Variants in KIF1B observed in about 807,000 individuals in gnomAD.
The protein encoded by KIF1B is kinesin family member 1B.
Under a neutral mutation model 241.9 loss-of-function variants are expected in KIF1B, and 76 were observed. The ratio of observed to expected loss-of-function variants is 0.31; its 90% CI spans 0.26 to 0.38. The LOEUF (loss-of-function observed/expected upper bound fraction) is 0.38. Among genes scored for constraint, KIF1B ranks in the 10% least tolerant of loss-of-function variants. The probability of loss-of-function intolerance (pLI) is 1.00; values close to 1 mark genes in which losing one functional copy is unlikely to be tolerated. For missense variants in KIF1B, 1,622 were observed against 2,271.4 expected (o/e 0.71, Z 5.81); for synonymous variants, 750 against 796.7 (o/e 0.94, Z 0.99).
At chr1:10,241,403 C>T (rs1178497066) in intron 2 of KIF1B, among the ~76,000 whole-genome samples, 1 of 152,126 alleles carries the variant, frequency 6.6e-6, no homozygotes, top group Non-Finnish European at 1.5e-5. Flanking sequence ...CATGCCAAGC[C>T]TGTGGTTAGT....
At chr1:10,313,699 C>T (rs1434876034) in intron 22 of KIF1B, among the ~76,000 whole-genome samples, 9 of 150,188 alleles carry the variant, frequency 6.0e-5, no homozygotes, top group Admixed American at 3.3e-4. Flanking sequence ...TACAGGTGCC[C>T]ACCACCACAC....
Position 10,374,780 on chromosome 1 carries a change from C to T in KIF1B, c.5097-74C>T. ...ATCTAAGGACTTGGCCTAAGTGTGG[C>T]GTATTTTGATGGTCCTCAGCACGAT... On this transcript the variant is annotated intron_variant, in intron 46 of 48. Transcript: ENST00000676179. This position sits in a 1 kb window ranked among gnomAD's most constrained non-coding sequence, Gnocchi z 4.3. 3.6e-6 allele frequency: 5 copies of T among 1,388,886 alleles called. No individual in the cohort carries two copies. The highest frequency in any genetic ancestry group is 1.2e-5 in the South Asian group (1 of 85,130). The allele number at this position is 1,388,886 out of a possible 1,614,324, so 86.0% of individuals were successfully genotyped here.
At position 10,347,769 on chromosome 1, in the gene KIF1B, C is replaced by A; in HGVS notation, c.3806C>A (p.Pro1269Gln). The change falls in exon 36 of 49, where the codon CCA (proline) becomes CAA (glutamine). Residue 1269 changes from proline (P) to glutamine (Q), a missense_variant. Around this residue, in one of 7 missense-constraint regions of KIF1B, gnomAD observed 803 missense variants for 1,112.0 expected, o/e 0.72. Transcript: ENST00000676179. ...GCGTTTCTATTTTTTAGGTATATCCCAGCTGTGGTTGACCACACAGCAGGC... is the reference window on the plus strand; with the variant it reads ...GCGTTTCTATTTTTTAGGTATATCCAAGCTGTGGTTGACCACACAGCAGGC... ...SELEPTGEYI[P>Q]AVVDHTAGLP... The A allele has an allele frequency of 6.2e-7, 1 of 1,613,030 alleles. No homozygotes were observed. Among genetic ancestry groups the A allele is most frequent in the South Asian group, 1.1e-5 (1 of 91,028 alleles).
rs552824467 is a variant in KIF1B at position 10,291,211 on chromosome 1, G to A, written c.1514+50G>A. On this transcript the variant is annotated intron_variant, in intron 16 of 48. Transcript: ENST00000676179. ...GTTTCTAAGTTTTCTAGGGGATGTG[G>A]ATTACTTTATCGTAAGAAAAGATAA... The A allele has an allele frequency of 1.3e-4, 165 of 1,230,306 alleles. 3 individuals are homozygous for A. The South Asian group carries it at 2.0e-3, about 15-fold the overall frequency. 76.2% of individuals were successfully genotyped at this position (1,230,306 alleles called of 1,614,324 possible). A position where few individuals can be genotyped will look rare whatever the true frequency, so the allele number is the denominator to read the frequency against.
At chr1:10,306,639 G>C (rs1650840088) in intron 22 of KIF1B, 2 of 605,354 alleles carry the variant, frequency 3.3e-6, no homozygotes, top group Non-Finnish European at 4.3e-6. Flanking sequence ...CAGGACGGGT[G>C]AACCCAGCCC....
At chr1:10,250,521 T>C (rs898877674) in intron 2 of KIF1B, among the ~76,000 whole-genome samples, 1 of 152,058 alleles carries the variant, frequency 6.6e-6, no homozygotes, top group African/African-American at 2.4e-5. Flanking sequence ...GTAAATACAG[T>C]ATTTTTAAAT....
chr1:10,375,142 T>C, intron 47 of KIF1B, 96 bp downstream of exon 47: 1 of 1,513,836 alleles, frequency 6.6e-7, no homozygotes, highest in Non-Finnish European at 9.2e-7. Context: ...TTCCCTATTC[T>C]CTCTGGTTTT....
chr1:10,330,951 A>AC (rs1236065631), intron 27 of KIF1B, among the ~76,000 whole-genome samples: 1 of 152,184 alleles, frequency 6.6e-6, no homozygotes, highest in Non-Finnish European at 1.5e-5. Flanking sequence ...TTGAAATAAG[A>AC]CCTGAAGATG....
At chr1:10,227,550 T>C (rs1231430309) in intron 1 of KIF1B, among the ~76,000 whole-genome samples, 1 of 152,196 alleles carries the variant, frequency 6.6e-6, no homozygotes, top group Admixed American at 6.5e-5. Flanking sequence ...TAAACAGTTT[T>C]CATTTTAAGG....
In KIF1B at chr1:10,294,975, C is replaced by T. The variant is rs567411711; in HGVS notation, c.1591-111C>T. 1.4e-5 allele frequency: 11 copies of T among 788,786 alleles called. No homozygotes were observed. In the African/African-American group the frequency reaches 1.9e-4, roughly 13 times the overall value. The allele number at this position is 788,786 out of a possible 1,614,324, so 48.9% of individuals were successfully genotyped here. On this transcript the variant is annotated intron_variant, in intron 17 of 48. Coordinates refer to ENST00000676179, the MANE Select transcript of KIF1B (RefSeq NM_001365951.3). ...CAACTAGGGATAAAAAGAAATCCCT[C>T]TCTAGGCTCTGTGGAGAGTTGGAGA...
chr1:10,333,636 G>A (rs1157972185), intron 27 of KIF1B, among the ~76,000 whole-genome samples: 2 of 152,058 alleles, frequency 1.3e-5, no homozygotes, highest in Non-Finnish European at 2.9e-5. Context: ...AGCTTGCAGT[G>A]AGCCGAGACT....
At chr1:10,359,525 C>T (rs569509931) in intron 38 of KIF1B, among the ~76,000 whole-genome samples, 2 of 151,880 alleles carry the variant, frequency 1.3e-5, no homozygotes, top group East Asian at 3.9e-4. Flanking sequence ...TGTTGTTTTA[C>T]CAGTAGAAAA....
At chr1:10,306,166 C>T (rs1443392047) in intron 22 of KIF1B, 2 of 1,038,938 alleles carry the variant, frequency 1.9e-6, no homozygotes, top group Non-Finnish European at 2.3e-6. Context: ...TTTTTTTCCC[C>T]TTAAAAAGAG....
chr1:10,345,779 A>G, intron 34 of KIF1B, 66 bp from the exon 35 acceptor site: 2 of 1,153,682 alleles, frequency 1.7e-6, no homozygotes, highest in Non-Finnish European at 2.6e-6. Flanking sequence ...CTGACATTAG[A>G]GAAGCTTGTA....
rs1638960404 is a variant in KIF1B, at chr1:10,379,109, A to C, written c.*2522A>C. The C allele has an allele frequency of 4.3e-6, 1 of 231,772 alleles. No individual in the cohort carries two copies. 14.4% of individuals were successfully genotyped at this position (231,772 alleles called of 1,614,324 possible). On this transcript the variant is annotated 3_prime_UTR_variant, in exon 49 of 49. Transcript: ENST00000676179. ...GAAATGAAGATGGAATTTGAAGGTC[A>C]CTTTTAAAATTAAGTCATTGATGCT...
At chr1:10,214,938 G>A (rs1008396009) in intron 1 of KIF1B, among the ~76,000 whole-genome samples, 1 of 151,440 alleles carries the variant, frequency 6.6e-6, no homozygotes, top group African/African-American at 2.4e-5. Flanking sequence ...TTTCATTTTA[G>A]TACAATTTAG....
chr1:10,240,619 C>G (rs1383880394), intron 2 of KIF1B, among the ~76,000 whole-genome samples: 1 of 151,848 alleles, frequency 6.6e-6, no homozygotes, highest in East Asian at 1.9e-4. Flanking sequence ...TGGAAATTAC[C>G]TTAAATATTG....
chr1:10,233,958 A>G (rs1647015852), intron 2 of KIF1B, among the ~76,000 whole-genome samples: 1 of 151,884 alleles, frequency 6.6e-6, no homozygotes, highest in South Asian at 2.1e-4. Flanking sequence ...TGGTTTCCTC[A>G]ACTATAAACT....
chr1:10,289,558 A>G (rs1474095040), intron 15 of KIF1B, among the ~76,000 whole-genome samples: 2 of 152,036 alleles, frequency 1.3e-5, no homozygotes, highest in Non-Finnish European at 2.9e-5. Flanking sequence ...ACTTGCCACT[A>G]TCTGACATAC....
Sources: gnomAD v4.1 joint callset for allele counts (sites outside exome capture counted in the v4.1 genomes callset) on GRCh38, gnomAD v4.1.1 for gene constraint, gnomAD v4.1.1 regional missense constraint, Gnocchi (gnomAD v3.1) non-coding constraint, MANE v1.5 for transcripts, NCBI Gene and HGNC (gene_info 2026-07-23, HGNC 2026-07-21) for gene names.